The following SLCO1C1 variants were observed in gnomAD, a reference collection of about 807,000 sequenced individuals.
SLCO1C1 encodes solute carrier organic anion transporter family member 1C1.
Under a neutral mutation model 76.4 loss-of-function variants are expected in SLCO1C1, and 70 were observed. The observed-to-expected ratio is 0.92, with a 90% CI of 0.76 to 1.12. The LOEUF is 1.12. SLCO1C1 is among the 50% of genes most tolerant of loss of function. The probability of loss-of-function intolerance (pLI) is 0.00; values close to 1 mark genes in which losing one functional copy is unlikely to be tolerated. For missense variants in SLCO1C1, 912 were observed against 823.8 expected (o/e 1.11, Z -1.31); for synonymous variants, 306 against 286.1 (o/e 1.07, Z -0.70).
At position 20,750,678 on chromosome 12, in the gene SLCO1C1, G is replaced by A. The variant is rs200027415; in HGVS notation, c.1802G>A (p.Gly601Glu). The A allele has an allele frequency of 2.1e-5, 34 of 1,613,754 alleles. No individual in the cohort carries two copies. The Middle Eastern group carries it at 5.0e-4, about 23-fold the overall frequency. ...CAATTATTTGTTTTTCTCACAGCAG[G>A]AATCCCAGCTCCAGTGTATTTTGGA... is the stretch of plus-strand genomic sequence containing the variant. ...IYTLAIRVLA[G>E]IPAPVYFGVL... The change falls in exon 14 of 15, where the codon GGA (glycine) becomes GAA (glutamate). Residue 601 changes from glycine (G) to glutamate (E), a missense_variant. Physicochemically the swap from Gly to Glu is moderately conservative, Grantham distance 98 (BLOSUM62 -2). Coordinates refer to ENST00000266509, the MANE Select transcript of SLCO1C1 (RefSeq NM_017435.5).
At chr12:20,725,758 A>G (rs1196899959) in intron 9 of SLCO1C1, among the ~76,000 whole-genome samples, 2 of 151,934 alleles carry the variant, frequency 1.3e-5, no homozygotes, top group Non-Finnish European at 2.9e-5. Flanking sequence ...TTATACTCCT[A>G]TTAGAAACGT....
At chr12:20,696,442 A>G (rs1213406379) in intron 1 of SLCO1C1, among the ~76,000 whole-genome samples, 1 of 152,124 alleles carries the variant, frequency 6.6e-6, no homozygotes, top group African/African-American at 2.4e-5. Flanking sequence ...AGAGGGGTTG[A>G]GTACATCTGC....
intron 8 of SLCO1C1, among the ~76,000 whole-genome samples, chr12:20,722,477 T>C (rs1223451599): frequency 6.6e-6 from 1 of 152,238 alleles, no homozygotes; most frequent in Admixed American, 6.5e-5. Context: ...AAAAACCCAG[T>C]GTTCTAATGA....
intron 9 of SLCO1C1, among the ~76,000 whole-genome samples, chr12:20,725,478 T>A (rs1200542003): frequency 6.8e-6 from 1 of 146,808 alleles, no homozygotes; most frequent in East Asian, 2.0e-4. Context: ...ATAATAATGC[T>A]ATTATAAAAT....
At chr12:20,747,012 G>A (rs1052864614) in intron 13 of SLCO1C1, among the ~76,000 whole-genome samples, 4 of 116,420 alleles carry the variant, frequency 3.4e-5, no homozygotes, top group African/African-American at 1.0e-4. Context: ...TATAAAATGT[G>A]TTAGGAGTAA....
Position 20,711,490 on chromosome 12 carries a change from C to T in SLCO1C1, c.509C>T (p.Ser170Leu). The change falls in exon 5 of 15, where the codon TCA becomes TTA. Residue 170 changes from serine (S) to leucine (L), a missense_variant. Ser to Leu is a moderately radical substitution (Grantham distance 145). Transcript: ENST00000266509. The part of the protein sequence containing the change: ...SQLPVSVMEK[S>L]KSKISNECEV... ...TTACCAGTTTCAGTTATGGAAAAAT[C>T]AAAATCCAAAATAAGTAACGGTAAG... The T allele has an allele frequency of 6.2e-7, 1 of 1,613,308 alleles. No individual in the cohort carries two copies. The highest frequency in any genetic ancestry group is 8.5e-7 in the Non-Finnish European group (1 of 1,179,730).
chr12:20,742,838 G>A (rs1283003065), intron 12 of SLCO1C1, among the ~76,000 whole-genome samples: 3 of 151,790 alleles, frequency 2.0e-5, no homozygotes, highest in African/African-American at 7.3e-5. Flanking sequence ...CCTGGCCTCT[G>A]ATTTTTTTAA....
Position 20,715,258 on chromosome 12 carries a change from A to G in SLCO1C1, c.649A>G (p.Ser217Gly). The G allele has an allele frequency of 6.2e-7, 1 of 1,614,042 alleles. No homozygotes were observed. Among genetic ancestry groups the G allele is most frequent in the Non-Finnish European group, 8.5e-7 (1 of 1,179,924 alleles). The change falls in exon 6 of 15, where the codon AGT becomes GGT. Residue 217 changes from serine to glycine, a missense_variant. Coordinates refer to ENST00000266509, the MANE Select transcript of SLCO1C1 (RefSeq NM_017435.5). The stretch of plus-strand genomic sequence containing the variant: ...CATTGCCTACCTGGATGATTTTGCC[A>G]GTGAAGACAATGCAGCTTTCTATAT... ...LGIAYLDDFA[S>G]EDNAAFYIGC... is the part of the protein sequence containing the mutation.
chr12:20,724,411 GTATATATATA>G (rs1168220832), intron 9 of SLCO1C1, among the ~76,000 whole-genome samples: 139 of 88,204 alleles, frequency 1.6e-3, no homozygotes, highest in African/African-American at 3.4e-3. Context: ...GTGTGTGTGT[GTATATATATA>G]TATATATATA....
intron 6 of SLCO1C1, 98 bp from the exon 7 acceptor site, chr12:20,717,034 T>A (rs1433517429): frequency 9.7e-7 from 1 of 1,030,742 alleles, no homozygotes. Flanking sequence ...CATTTTGAGC[T>A]ACTGACTGGA....
chr12:20,715,748 G>C (rs1947333925), intron 6 of SLCO1C1, among the ~76,000 whole-genome samples: 1 of 152,256 alleles, frequency 6.6e-6, no homozygotes, highest in Middle Eastern at 3.4e-3. Flanking sequence ...AAGAAATCTT[G>C]AGATCTCAAA....
chr12:20,731,179 C>T (rs1948246148), intron 9 of SLCO1C1, among the ~76,000 whole-genome samples: 2 of 152,166 alleles, frequency 1.3e-5, no homozygotes, highest in South Asian at 4.1e-4. Context: ...ATCTGGCTGC[C>T]TTCAGCCAAA....
intron 10 of SLCO1C1, among the ~76,000 whole-genome samples, chr12:20,734,656 T>C (rs564306327): frequency 1.3e-5 from 2 of 152,324 alleles, no homozygotes; most frequent in South Asian, 4.1e-4. Flanking sequence ...TCATAATTTC[T>C]AAGCCAAAAG....
intron 13 of SLCO1C1, among the ~76,000 whole-genome samples, chr12:20,747,132 G>C (rs558603664): frequency 6.6e-6 from 1 of 152,154 alleles, no homozygotes; most frequent in African/African-American, 2.4e-5. Context: ...AAATATTAAA[G>C]TAAGAGTTCA....
At chr12:20,729,391 C>T (rs1308546142) in intron 9 of SLCO1C1, among the ~76,000 whole-genome samples, 1 of 152,096 alleles carries the variant, frequency 6.6e-6, no homozygotes, top group African/African-American at 2.4e-5. Flanking sequence ...TCAATTAGCA[C>T]ATTTTATTGG....
chr12:20,705,858 T>C (rs1946746885), intron 3 of SLCO1C1, 91 bp from the exon 4 acceptor site: 1 of 1,280,560 alleles, frequency 7.8e-7, no homozygotes. Context: ...AAAGAAAACA[T>C]TGCTTGGTCT....
At chr12:20,706,671 A>G (rs1459590846) in intron 4 of SLCO1C1, among the ~76,000 whole-genome samples, 2 of 152,160 alleles carry the variant, frequency 1.3e-5, no homozygotes, top group Admixed American at 6.5e-5. Context: ...CCTGTGGGGT[A>G]GAAGAACATA....
At chr12:20,750,979 C>G in intron 14 of SLCO1C1, 187 bp downstream of exon 14, 1 of 1,144,972 alleles carries the variant, frequency 8.7e-7, no homozygotes, top group South Asian at 1.6e-5. Context: ...GATTTTGTCC[C>G]TATTCATTAC....
At chr12:20,709,500 T>C (rs1329309583) in intron 4 of SLCO1C1, among the ~76,000 whole-genome samples, 2 of 152,202 alleles carry the variant, frequency 1.3e-5, no homozygotes, top group African/African-American at 2.4e-5. Flanking sequence ...TGAAGCATCA[T>C]AACAGTCAAT....
Sources: allele counts gnomAD v4.1 joint callset (sites outside exome capture counted in the v4.1 genomes callset), GRCh38; gene constraint gnomAD v4.1.1; transcripts MANE v1.5; gene names NCBI Gene and HGNC (gene_info 2026-07-23, HGNC 2026-07-21).